Variants in PTPRD observed in about 807,000 individuals in gnomAD.
PTPRD encodes receptor-type tyrosine-protein phosphatase delta.
A neutral mutation model predicts 214.5 loss-of-function variants in PTPRD; 34 were observed. The ratio of observed to expected loss-of-function variants is 0.16; its 90% CI spans 0.12 to 0.21. The LOEUF (loss-of-function observed/expected upper bound fraction) is 0.21. Ranked by LOEUF, PTPRD falls within the 10% of genes least tolerant of loss-of-function variation. The pLI, the probability that PTPRD is intolerant of heterozygous loss-of-function variation, is 1.00. For missense variants in PTPRD, 2,545 were observed against 2,398.7 expected (o/e 1.06, Z -1.27); for synonymous variants, 1,128 against 845.7 (o/e 1.33, Z -5.79).
chr9:8,757,779 C>G (rs986907496), intron 11 of PTPRD, among the ~76,000 whole-genome samples: 1 of 151,790 alleles, frequency 6.6e-6, no homozygotes, highest in African/African-American at 2.4e-5. Flanking sequence ...ATAATAACAA[C>G]TCATGATACT....
intron 4 of PTPRD, among the ~76,000 whole-genome samples, chr9:9,973,345 G>A (rs1307524560): frequency 2.6e-5 from 4 of 151,044 alleles, no homozygotes; most frequent in Non-Finnish European, 4.4e-5. Flanking sequence ...GGTCGCTTGC[G>A]TCTGTCGTCC....
chr9:8,360,168 G>C (rs756507268), intron 39 of PTPRD, among the ~76,000 whole-genome samples: 1 of 152,174 alleles, frequency 6.6e-6, no homozygotes, highest in Non-Finnish European at 1.5e-5. Flanking sequence ...TGGAAAGATA[G>C]ACGTAAAAGT....
chr9:10,175,653 TA>T (rs1194014706), intron 3 of PTPRD, among the ~76,000 whole-genome samples: 4 of 152,030 alleles, frequency 2.6e-5, no homozygotes, highest in Non-Finnish European at 5.9e-5. Flanking sequence ...TTGTTATATT[TA>T]AATATTAAAG....
chr9:9,659,744 T>A (rs1218276337), intron 7 of PTPRD, among the ~76,000 whole-genome samples: 2 of 152,060 alleles, frequency 1.3e-5, no homozygotes, highest in Non-Finnish European at 2.9e-5. Flanking sequence ...TCCTAAAAGG[T>A]GATTCAATCT....
chr9:9,110,767 T>C (rs531797229), intron 10 of PTPRD, among the ~76,000 whole-genome samples: 1 of 152,296 alleles, frequency 6.6e-6, no homozygotes, highest in Non-Finnish European at 1.5e-5. Context: ...TGCCAGGCAT[T>C]TTGTTAAGCC....
chr9:9,108,372 A>C (rs1003253368), intron 10 of PTPRD, among the ~76,000 whole-genome samples: 2 of 152,176 alleles, frequency 1.3e-5, no homozygotes, highest in African/African-American at 2.4e-5. Flanking sequence ...ATTTAGTATT[A>C]ACATGAGCGG....
chr9:8,988,501 C>G, intron 11 of PTPRD, among the ~76,000 whole-genome samples: 1 of 151,930 alleles, frequency 6.6e-6, no homozygotes, highest in East Asian at 1.9e-4. Flanking sequence ...TAATAAAATG[C>G]TTGATTTAAT....
intron 5 of PTPRD, chr9:9,803,773 TAAC>T (rs972732115): frequency 6.4e-4 from 97 of 152,066 alleles, no homozygotes; most frequent in African/African-American, 2.3e-3. Flanking sequence ...GGTAAAAACA[TAAC>T]AAATCAAATA....
intron 8 of PTPRD, among the ~76,000 whole-genome samples, chr9:9,411,061 G>T (rs112263830): frequency 1.3e-5 from 2 of 152,258 alleles, no homozygotes; most frequent in African/African-American, 4.8e-5. Context: ...GTATGTGTGT[G>T]TGTGTTGGAC....
chr9:9,832,718 T>C (rs959809074), intron 5 of PTPRD, among the ~76,000 whole-genome samples: 5 of 151,930 alleles, frequency 3.3e-5, no homozygotes, highest in Non-Finnish European at 5.9e-5. Flanking sequence ...TTCCTATCAG[T>C]GGAACATAAC....
intron 5 of PTPRD, among the ~76,000 whole-genome samples, chr9:9,886,712 T>C (rs182384293): frequency 7.9e-5 from 12 of 152,272 alleles, no homozygotes; most frequent in Non-Finnish European, 1.8e-4. Context: ...ATGACTTTTG[T>C]GGTTCAGTTA....
chr9:9,902,806 A>C lies in PTPRD; in HGVS notation c.-368+35701T>G, dbSNP rs550360901. ...GAGCTAGAGCTCATCTTTCATTCAC[A>C]AACTTTTTCCAAGCACACTGTAGTA... On this transcript the variant is annotated intron_variant, in intron 5 of 45. Coordinates refer to ENST00000381196, the MANE Select transcript of PTPRD (RefSeq NM_002839.4). Among the ~76,000 whole-genome samples the C allele has an allele frequency of 4.6e-5, 7 of 152,310 alleles. No individual in the cohort carries two copies. The South Asian group carries it at 1.4e-3, about 32-fold the overall frequency.
intron 11 of PTPRD, among the ~76,000 whole-genome samples, chr9:8,809,361 G>A (rs1487486876): frequency 4.6e-5 from 7 of 152,084 alleles, no homozygotes; most frequent in African/African-American, 1.4e-4. Context: ...ATTGGCATCT[G>A]CATCTTACAG....
At chr9:9,983,352 G>C (rs2095607310) in intron 4 of PTPRD, among the ~76,000 whole-genome samples, 1 of 152,160 alleles carries the variant, frequency 6.6e-6, no homozygotes, top group Admixed American at 6.5e-5. Flanking sequence ...CCTTTCCAAA[G>C]AATCTCTAAA....
chr9:9,368,535 T>C (rs1008077014), intron 9 of PTPRD, among the ~76,000 whole-genome samples: 3 of 151,770 alleles, frequency 2.0e-5, no homozygotes, highest in African/African-American at 7.2e-5. Flanking sequence ...CAAAGAATAT[T>C]AAAGTCAGAG....
At chr9:9,901,031 C>T (rs902475332) in intron 5 of PTPRD, among the ~76,000 whole-genome samples, 25 of 152,136 alleles carry the variant, frequency 1.6e-4, no homozygotes, top group African/African-American at 5.8e-4. Context: ...TCTGACAGTT[C>T]TGCAGGCTGT....
chr9:10,509,281 T>C (rs1303725981), intron 2 of PTPRD, among the ~76,000 whole-genome samples: 1 of 151,914 alleles, frequency 6.6e-6, no homozygotes, highest in Non-Finnish European at 1.5e-5. Context: ...TTGAGGTTCC[T>C]CTGTGTAGTA....
intron 3 of PTPRD, among the ~76,000 whole-genome samples, chr9:10,303,136 CTG>C (rs2095920620): frequency 6.6e-6 from 1 of 152,124 alleles, no homozygotes; most frequent in Non-Finnish European, 1.5e-5. Flanking sequence ...TACATATAAG[CTG>C]AACAATGTGC....
chr9:9,772,434 C>T (rs12238410), intron 5 of PTPRD, among the ~76,000 whole-genome samples: 6,611 of 152,122 alleles, frequency 0.043, 600 homozygotes, highest in East Asian at 0.39. Context: ...AAATATGCGA[C>T]GGGTAAATTT....
Sources: gnomAD v4.1 joint callset for allele counts (sites outside exome capture counted in the v4.1 genomes callset) on GRCh38, gnomAD v4.1.1 for gene constraint, MANE v1.5 for transcripts, NCBI Gene and HGNC (gene_info 2026-07-23, HGNC 2026-07-21) for gene names.